The following SNX31 variants were observed in gnomAD, a reference collection of about 807,000 sequenced individuals.
SNX31 encodes sorting nexin-31.
SNX31 carries 58 observed loss-of-function variants against 65.4 expected under a neutral mutation model. The ratio of observed to expected loss-of-function variants is 0.89; its 90% CI spans 0.72 to 1.10. The LOEUF is 1.10. Among genes scored for constraint, SNX31 ranks in the 50% least tolerant of loss-of-function variants. SNX31 has a pLI of 0.00. For missense variants in SNX31, 523 were observed against 529.7 expected, an observed-to-expected ratio of 0.99 and a Z score of 0.12; for synonymous variants, 181 against 190.1, an observed-to-expected ratio of 0.95 and a Z score of 0.39.
upstream of SNX31, among the ~76,000 whole-genome samples, chr8:100,654,098 C>A (rs1820020784): frequency 6.6e-6 from 1 of 152,162 alleles, no homozygotes; most frequent in African/African-American, 2.4e-5. Context: ...CTTGACCTCC[C>A]CAGGCTCAGG....
intron 2 of SNX31, among the ~76,000 whole-genome samples, chr8:100,636,559 CTGA>C (rs2131221369): frequency 6.6e-6 from 1 of 152,216 alleles, no homozygotes; most frequent in African/African-American, 2.4e-5. Flanking sequence ...AAATATCTCG[CTGA>C]TAATTTTTTA....
intron 1 of SNX31, among the ~76,000 whole-genome samples, chr8:100,657,156 A>G (rs1224304949): frequency 6.6e-6 from 1 of 151,888 alleles, no homozygotes. Context: ...CATGGGAAGT[A>G]AAGAAAAGAA....
intron 8 of SNX31, among the ~76,000 whole-genome samples, chr8:100,601,433 A>T (rs894318813): frequency 6.6e-6 from 1 of 152,242 alleles, no homozygotes; most frequent in East Asian, 1.9e-4. Flanking sequence ...ATAAAACAAC[A>T]TAAAACCCTC....
chr8:100,608,465 G>GTGCT, intron 8 of SNX31, 29 bp downstream of exon 8: 1 of 1,609,876 alleles, frequency 6.2e-7, no homozygotes, highest in Non-Finnish European at 8.5e-7. Context: ...ATGATCTACG[G>GTGCT]TGCTGTCTGA....
At chr8:100,584,723 C>T (rs1306292014) in intron 11 of SNX31, among the ~76,000 whole-genome samples, 3 of 149,692 alleles carry the variant, frequency 2.0e-5, no homozygotes, top group African/African-American at 7.4e-5. Flanking sequence ...CTTCACTTCA[C>T]TTTCTTATTT....
intron 10 of SNX31, among the ~76,000 whole-genome samples, chr8:100,590,234 A>T (rs1814443369): frequency 6.6e-6 from 1 of 152,234 alleles, no homozygotes; most frequent in Admixed American, 6.5e-5. Context: ...AGAAATAGGG[A>T]AAGAAAAAAG....
rs200890568 is a variant in SNX31 at position 100,585,747 on chromosome 8, T to C, written c.1093-1559A>G. Among the ~76,000 whole-genome samples the C allele has an allele frequency of 4.6e-5, 7 of 152,206 alleles. No individual in the cohort carries two copies. The East Asian group carries it at 7.7e-4, about 17-fold the overall frequency. Reference sequence around the variant, plus strand: ...AATAAACAACAAAACCCTGAGCAAATGCAGCTAGGAAGGATGTTTAATAGG... The same window carrying C: ...AATAAACAACAAAACCCTGAGCAAACGCAGCTAGGAAGGATGTTTAATAGG... On this transcript the variant is annotated intron_variant, in intron 11 of 13. Coordinates refer to ENST00000311812, the MANE Select transcript of SNX31 (RefSeq NM_152628.4).
chr8:100,589,061 C>G lies in SNX31; in HGVS notation c.979-82G>C, dbSNP rs1170120122. ...GGCACGGTGGCTCACACCTGAAATC[C>G]CAGCTGAGGCGGGCAGATCGCCTGA... On this transcript the variant is annotated intron_variant, in intron 10 of 13. Coordinates refer to ENST00000311812, the MANE Select transcript of SNX31 (RefSeq NM_152628.4). 8 of 1,061,000 alleles carry G rather than the reference C, an allele frequency of 7.5e-6. No homozygotes were observed. The Admixed American group carries it at 9.9e-5, about 13-fold the overall frequency. The allele number at this position is 1,061,000 out of a possible 1,614,324, so 65.7% of individuals were successfully genotyped here.
In SNX31 at chr8:100,600,420, C is replaced by G. The variant is rs774579323; in HGVS notation, c.703G>C (p.Gly235Arg). The change falls in exon 9 of 14, where the codon GGA (glycine) becomes CGA (arginine). Residue 235 changes from glycine to arginine, a missense_variant. Coordinates refer to ENST00000311812, the MANE Select transcript of SNX31 (RefSeq NM_152628.4). ...TGTGCCTGTGTGGGTTTGGCCCATCCTTTTTCAATGTCCTGTATTGCCTTA... is the reference window on the plus strand; with the variant it reads ...TGTGCCTGTGTGGGTTTGGCCCATCGTTTTTCAATGTCCTGTATTGCCTTA... ...YMQAIQDIEK[G>R]WAKPTQAQRQ... 2 of 1,613,362 alleles carry G rather than the reference C, an allele frequency of 1.2e-6. No homozygotes were observed. Among genetic ancestry groups the G allele is most frequent in the Non-Finnish European group, 1.7e-6 (2 of 1,179,690 alleles).
At chr8:100,642,051 C>T (rs1043122351) in intron 2 of SNX31, among the ~76,000 whole-genome samples, 3 of 150,992 alleles carry the variant, frequency 2.0e-5, no homozygotes, top group Non-Finnish European at 4.4e-5. Context: ...TGCACTCCAG[C>T]CTGGGCGACA....
intron 9 of SNX31, among the ~76,000 whole-genome samples, chr8:100,598,931 A>C (rs985185122): frequency 6.6e-6 from 1 of 152,242 alleles, no homozygotes; most frequent in Admixed American, 6.5e-5. Context: ...CCCATGGACC[A>C]CAGCCTTTCT....
chr8:100,628,446 T>C (rs1372665076), intron 4 of SNX31, among the ~76,000 whole-genome samples: 1 of 152,114 alleles, frequency 6.6e-6, no homozygotes, highest in East Asian at 1.9e-4. Context: ...TGTAGGGACA[T>C]GGATGAAGCT....
At chr8:100,592,602 C>T (rs987924894) in intron 10 of SNX31, among the ~76,000 whole-genome samples, 2 of 152,100 alleles carry the variant, frequency 1.3e-5, no homozygotes, top group Non-Finnish European at 2.9e-5. Context: ...ATCATTTGAT[C>T]CAATGATAAT....
intron 8 of SNX31, among the ~76,000 whole-genome samples, chr8:100,602,103 C>T (rs2154641): frequency 0.29 from 44,203 of 152,056 alleles, 6,786 homozygotes; most frequent in Admixed American, 0.39. Flanking sequence ...GGGAAGACCC[C>T]GCGCCCGTCG....
intron 3 of SNX31, among the ~76,000 whole-genome samples, chr8:100,631,029 C>A (rs1818378125): frequency 6.6e-6 from 1 of 152,114 alleles, no homozygotes; most frequent in Non-Finnish European, 1.5e-5. Flanking sequence ...CTCAGGTGAT[C>A]TGCCTGCCTT....
chr8:100,643,195 A>C (rs980164956), intron 2 of SNX31, among the ~76,000 whole-genome samples: 1 of 126,770 alleles, frequency 7.9e-6, no homozygotes, highest in African/African-American at 3.1e-5. Flanking sequence ...TCCGTCTCAA[A>C]AAAACAAAAC....
chr8:100,662,266 C>G (rs1358267848), intron 1 of SNX31, among the ~76,000 whole-genome samples: 2 of 152,228 alleles, frequency 1.3e-5, no homozygotes, highest in Non-Finnish European at 2.9e-5. Flanking sequence ...GGATATGAAC[C>G]CAGACAGTGT....
chr8:100,644,265 G>A (rs1456725847), intron 2 of SNX31, among the ~76,000 whole-genome samples: 6 of 152,176 alleles, frequency 3.9e-5, no homozygotes, highest in Non-Finnish European at 7.3e-5. Flanking sequence ...CCATTGCCAT[G>A]TCTGATGCTG....
Position 100,617,553 on chromosome 8 carries a change from T to C in SNX31, c.432+67A>G, listed in dbSNP as rs1211965804. ...GCTCCTGGAAGGTAACCGTATCCCA[T>C]TCTCTGCTTTCCAAACAGAACCATC... On this transcript the variant is annotated intron_variant, in intron 5 of 13. Coordinates refer to ENST00000311812, the MANE Select transcript of SNX31 (RefSeq NM_152628.4). 2.1e-5 allele frequency: 24 copies of C among 1,126,530 alleles called. 1 individual carries two copies. In the South Asian group the frequency reaches 2.3e-4, roughly 11 times the overall value. 69.8% of individuals were successfully genotyped at this position (1,126,530 alleles called of 1,614,324 possible).
Sources: gnomAD v4.1 joint callset for allele counts (sites outside exome capture counted in the v4.1 genomes callset) on GRCh38, gnomAD v4.1.1 for gene constraint, MANE v1.5 for transcripts, NCBI Gene and HGNC (gene_info 2026-07-23, HGNC 2026-07-21) for gene names.